Variants in ACTL8 observed in about 807,000 individuals in gnomAD.
The protein encoded by ACTL8 is actin like 8.
A neutral mutation model predicts 9.3 loss-of-function variants in ACTL8; 3 were observed. The ratio of observed to expected loss-of-function variants is 0.32; its 90% CI spans 0.15 to 0.83. The LOEUF (loss-of-function observed/expected upper bound fraction) is 0.83, where lower values mean the gene tolerates loss of function less well. Ranked by LOEUF, ACTL8 falls within the 40% of genes least tolerant of loss-of-function variation. ACTL8 has a pLI of 0.57. For synonymous variants in ACTL8, 224 were observed against 205.9 expected (o/e 1.09, Z -0.75); for missense variants, 381 against 492.2 (o/e 0.77, Z 2.14).
intron 1 of ACTL8, among the ~76,000 whole-genome samples, chr1:17,780,418 A>C (rs535281436): frequency 1.3e-5 from 2 of 152,046 alleles, no homozygotes; most frequent in Non-Finnish European, 2.9e-5. Context: ...TCCAGGCCAT[A>C]TTCTTCCTTC....
chr1:17,811,784 A>G (rs1395000810), intron 1 of ACTL8, among the ~76,000 whole-genome samples: 1 of 151,782 alleles, frequency 6.6e-6, no homozygotes, highest in Admixed American at 6.6e-5. Context: ...GTGTGAGTCT[A>G]TTCTTGGACA....
intron 1 of ACTL8, among the ~76,000 whole-genome samples, chr1:17,768,171 C>T (rs938809518): frequency 2.1e-3 from 8 of 3,814 alleles, no homozygotes; most frequent in Admixed American, 3.4e-3. Flanking sequence ...AATAGGGTGG[C>T]GGGCAGGTGG....
intron 1 of ACTL8, among the ~76,000 whole-genome samples, chr1:17,777,280 G>C (rs1007932092): frequency 1.3e-5 from 2 of 152,012 alleles, no homozygotes; most frequent in African/African-American, 2.4e-5. Context: ...AGCCTCCCCG[G>C]AGCGCCACCT....
At chr1:17,793,050 C>T (rs1020499051) in intron 1 of ACTL8, among the ~76,000 whole-genome samples, 2 of 152,216 alleles carry the variant, frequency 1.3e-5, no homozygotes, top group Non-Finnish European at 2.9e-5. Context: ...CCCATCCACC[C>T]TGCCCAAGCC....
At chr1:17,768,987 C>T (rs1320479158) in intron 1 of ACTL8, among the ~76,000 whole-genome samples, 2 of 152,178 alleles carry the variant, frequency 1.3e-5, no homozygotes, top group African/African-American at 4.8e-5. Context: ...CCTGTTTAAC[C>T]TACTGATGCT....
At chr1:17,769,606 C>T (rs756302034) in intron 1 of ACTL8, among the ~76,000 whole-genome samples, 62 of 152,074 alleles carry the variant, frequency 4.1e-4, no homozygotes, top group Non-Finnish European at 8.7e-4. Context: ...GTGATCGTGG[C>T]AGGGTGTTAC....
chr1:17,788,949 G>A (rs936898672), intron 1 of ACTL8, among the ~76,000 whole-genome samples: 1 of 152,218 alleles, frequency 6.6e-6, no homozygotes, highest in South Asian at 2.1e-4. Context: ...TTGATCAGTG[G>A]TCATCAAAGA....
intron 1 of ACTL8, among the ~76,000 whole-genome samples, chr1:17,783,311 G>C (rs951908894): frequency 2.0e-5 from 3 of 151,782 alleles, no homozygotes; most frequent in African/African-American, 7.2e-5. Flanking sequence ...ATTCTCATGA[G>C]ATCTGATGGT....
At chr1:17,812,211 C>T (rs1166076176) in intron 1 of ACTL8, among the ~76,000 whole-genome samples, 1 of 151,968 alleles carries the variant, frequency 6.6e-6, no homozygotes, top group Non-Finnish European at 1.5e-5. Context: ...TAGTGTGAGT[C>T]TTCCAACTTT....
intron 1 of ACTL8, among the ~76,000 whole-genome samples, chr1:17,766,885 G>T (rs2102676122): frequency 6.6e-6 from 1 of 152,314 alleles, no homozygotes; most frequent in East Asian, 1.9e-4. Context: ...ATGAATGAAT[G>T]AATCTATTAT....
At chr1:17,757,144 T>C (rs901338264) in intron 1 of ACTL8, among the ~76,000 whole-genome samples, 1 of 151,940 alleles carries the variant, frequency 6.6e-6, no homozygotes, top group South Asian at 2.1e-4. Flanking sequence ...AATAATAATA[T>C]AATAAGAATT....
intron 1 of ACTL8, among the ~76,000 whole-genome samples, chr1:17,787,560 C>T (rs774117159): frequency 2.6e-4 from 39 of 152,292 alleles, no homozygotes; most frequent in Admixed American, 5.2e-4. Context: ...TGAGCCACAC[C>T]GCGCCAGGCC....
chr1:17,761,813 C>T (rs1264597728), intron 1 of ACTL8, among the ~76,000 whole-genome samples: 3 of 152,114 alleles, frequency 2.0e-5, no homozygotes, highest in Admixed American at 6.6e-5. Context: ...TCAGGTGGTC[C>T]GCCCTCCTCG....
rs532967765 is a variant in ACTL8 at position 17,821,967 on chromosome 1, A to T, written c.-24-1018A>T. Among the ~76,000 whole-genome samples the T allele has an allele frequency of 2.0e-5, 3 of 152,280 alleles. No individual in the cohort carries two copies. In the South Asian group the frequency reaches 6.2e-4, roughly 32 times the overall value. On this transcript the variant is annotated intron_variant, in intron 1 of 2. Transcript: ENST00000375406. Reference sequence around the variant, plus strand: ...CAGTACCTCCCACATTGTCTTGGCTACTGTAGCTTTTGAGTAAGTCTGAAC... The same window carrying T: ...CAGTACCTCCCACATTGTCTTGGCTTCTGTAGCTTTTGAGTAAGTCTGAAC...
chr1:17,789,909 G>C (rs1159894764), intron 1 of ACTL8, among the ~76,000 whole-genome samples: 1 of 152,242 alleles, frequency 6.6e-6, no homozygotes, highest in Non-Finnish European at 1.5e-5. Flanking sequence ...GGCCTGCTGG[G>C]CTCATTTCAC....
intron 1 of ACTL8, among the ~76,000 whole-genome samples, chr1:17,804,561 C>T (rs2066344959): frequency 6.6e-6 from 1 of 151,924 alleles, no homozygotes; most frequent in Non-Finnish European, 1.5e-5. Context: ...CTGACCATTG[C>T]AGCCACCACC....
intron 1 of ACTL8, among the ~76,000 whole-genome samples, chr1:17,816,858 T>C (rs1027897600): frequency 1.3e-5 from 2 of 152,202 alleles, no homozygotes; most frequent in African/African-American, 4.8e-5. Flanking sequence ...CTTGGTCTTA[T>C]GTCCAGAGAG....
chr1:17,814,677 C>T (rs999622578), intron 1 of ACTL8, among the ~76,000 whole-genome samples: 2 of 151,560 alleles, frequency 1.3e-5, no homozygotes, highest in Admixed American at 1.3e-4. Context: ...ATGTTACAAT[C>T]GCCTACAGTA....
chr1:17,768,423 A>G (rs1569996030), intron 1 of ACTL8, among the ~76,000 whole-genome samples: 1 of 152,300 alleles, frequency 6.6e-6, no homozygotes, highest in African/African-American at 2.4e-5. Context: ...CTGGAAAGGA[A>G]TTTTGGGGTG....
Sources: allele counts gnomAD v4.1 joint callset (sites outside exome capture counted in the v4.1 genomes callset), GRCh38; gene constraint gnomAD v4.1.1; transcripts MANE v1.5; gene names NCBI Gene and HGNC (gene_info 2026-07-23, HGNC 2026-07-21).